ENTHD1: variants seen among roughly 807,000 people sequenced by gnomAD.
The protein encoded by ENTHD1 is ENTH domain containing 1, also known as ENTH domain-containing protein 1.
Under a neutral mutation model 39.1 loss-of-function variants are expected in ENTHD1, and 23 were observed. The ratio of observed to expected loss-of-function variants is 0.59; its 90% CI spans 0.42 to 0.83. The LOEUF is 0.83. ENTHD1 is among the 40% of genes least tolerant of loss of function. The pLI, the probability that ENTHD1 is intolerant of heterozygous loss-of-function variation, is 0.00. For missense variants in ENTHD1, 624 were observed against 705.4 expected (o/e 0.88, Z 1.31); for synonymous variants, 230 against 258.2 (o/e 0.89, Z 1.05).
intron 6 of ENTHD1, among the ~76,000 whole-genome samples, chr22:39,752,526 T>G (rs188961876): frequency 3.3e-4 from 50 of 152,330 alleles, no homozygotes; most frequent in Non-Finnish European, 5.9e-4. Flanking sequence ...AATCATACAT[T>G]TTAAAAGGAT....
At chr22:39,823,535 A>G (rs1193638700) in intron 4 of ENTHD1, among the ~76,000 whole-genome samples, 2 of 150,808 alleles carry the variant, frequency 1.3e-5, no homozygotes, top group African/African-American at 4.9e-5. Flanking sequence ...TTTTTTTTTT[A>G]GAAATGATGT....
chr22:39,829,367 T>G (rs1473156385), intron 4 of ENTHD1, among the ~76,000 whole-genome samples: 1 of 144,578 alleles, frequency 6.9e-6, no homozygotes, highest in East Asian at 2.0e-4. Context: ...AATCAGGATT[T>G]AAAGACAGAT....
At chr22:39,805,171 C>T (rs2146622734) in intron 5 of ENTHD1, among the ~76,000 whole-genome samples, 1 of 152,314 alleles carries the variant, frequency 6.6e-6, no homozygotes. Flanking sequence ...AAAAATTCCC[C>T]CTCATTCTTC....
At chr22:39,888,985 C>G (rs2066405804) in intron 1 of ENTHD1, among the ~76,000 whole-genome samples, 1 of 152,132 alleles carries the variant, frequency 6.6e-6, no homozygotes, top group South Asian at 2.1e-4. Flanking sequence ...AGAATCAGAT[C>G]TAAATATAGT....
chr22:39,857,552 T>C (rs1203973962), intron 3 of ENTHD1, among the ~76,000 whole-genome samples: 3 of 151,908 alleles, frequency 2.0e-5, no homozygotes, highest in African/African-American at 7.3e-5. Flanking sequence ...CTGTATCAAT[T>C]TAGGGATTCA....
chr22:39,759,383 C>A (rs531682451), intron 6 of ENTHD1, among the ~76,000 whole-genome samples: 91 of 152,210 alleles, frequency 6.0e-4, no homozygotes, highest in African/African-American at 2.2e-3. Flanking sequence ...TCAACTAAGG[C>A]ATCAAATCTA....
intron 5 of ENTHD1, among the ~76,000 whole-genome samples, chr22:39,793,595 A>G (rs1040938109): frequency 1.3e-5 from 2 of 152,004 alleles, no homozygotes; most frequent in Admixed American, 1.3e-4. Context: ...TGTTTCCCCT[A>G]TGTTTTCTTC....
intron 1 of ENTHD1, among the ~76,000 whole-genome samples, chr22:39,890,848 C>T (rs926306489): frequency 4.6e-5 from 7 of 152,130 alleles, no homozygotes; most frequent in African/African-American, 1.2e-4. Flanking sequence ...GTGATATGAA[C>T]GTAGAATATG....
chr22:39,798,774 G>T (rs1034853058), intron 5 of ENTHD1, among the ~76,000 whole-genome samples: 1 of 152,166 alleles, frequency 6.6e-6, no homozygotes, highest in African/African-American at 2.4e-5. Flanking sequence ...GGATGGGTGG[G>T]CAAGTCCTCC....
At position 39,871,424 on chromosome 22, in the gene ENTHD1, G is replaced by A. The variant is rs76144973; in HGVS notation, c.350-9417C>T. Among the ~76,000 whole-genome samples the A allele has an allele frequency of 9.2e-3, 1,397 of 152,222 alleles. 14 individuals carry two copies. Among genetic ancestry groups the A allele is most frequent in the Non-Finnish European group, 0.014 (962 of 68,002 alleles). ...AGAGTTAAGTCCATTTTACCAAAGA[G>A]AAAAGTAAGGTTTAGGGTGATGAAG... is the stretch of plus-strand genomic sequence containing the variant. On this transcript the variant is annotated intron_variant, in intron 2 of 6. Coordinates refer to ENST00000325157, the MANE Select transcript of ENTHD1 (RefSeq NM_152512.4).
chr22:39,852,007 C>A (rs2066044106), intron 3 of ENTHD1, among the ~76,000 whole-genome samples: 1 of 152,068 alleles, frequency 6.6e-6, no homozygotes, highest in Admixed American at 6.6e-5. Flanking sequence ...TTCTCTCTAG[C>A]TATCCATCTC....
intron 3 of ENTHD1, among the ~76,000 whole-genome samples, chr22:39,842,140 C>G (rs1601633345): frequency 1.3e-5 from 2 of 151,428 alleles, no homozygotes; most frequent in East Asian, 1.9e-4. Context: ...TTGAGGGTAA[C>G]CCAACCTTTC....
rs769026309 is a variant in ENTHD1 at position 39,743,786 on chromosome 22, G to A, written c.1717C>T (p.Leu573Phe). Reference sequence around the variant, plus strand: ...ATCAAGATGTTATTGATGACATTAAGTTCTTGGATCACTGTGCTCAGATCT... The same window carrying A: ...ATCAAGATGTTATTGATGACATTAAATTCTTGGATCACTGTGCTCAGATCT... ...HEDLSTVIQE[L>F]NVINNILMSM... Residue 573 changes from leucine to phenylalanine, a missense_variant, in exon 7 of 7, where the codon CTT becomes TTT. Coordinates refer to ENST00000325157, the MANE Select transcript of ENTHD1 (RefSeq NM_152512.4). The A allele has an allele frequency of 9.9e-6, 16 of 1,614,124 alleles. No individual in the cohort carries two copies. The highest frequency in any genetic ancestry group is 1.3e-5 in the Non-Finnish European group (15 of 1,180,006).
chr22:39,763,702 A>G (rs889986311), intron 6 of ENTHD1, among the ~76,000 whole-genome samples: 2 of 152,176 alleles, frequency 1.3e-5, no homozygotes, highest in Admixed American at 6.5e-5. Flanking sequence ...TATTTTTGGT[A>G]GTAGAATTAG....
chr22:39,790,699 TCAGACC>T (rs1350105740), intron 5 of ENTHD1, among the ~76,000 whole-genome samples: 4 of 152,202 alleles, frequency 2.6e-5, no homozygotes, highest in Non-Finnish European at 4.4e-5. Context: ...CAGGTTAGAA[TCAGACC>T]CTGACTACAC....
chr22:39,778,561 A>G (rs549358999), intron 5 of ENTHD1, among the ~76,000 whole-genome samples: 1 of 152,316 alleles, frequency 6.6e-6, no homozygotes, highest in East Asian at 1.9e-4. Flanking sequence ...GTGAAACATA[A>G]ATGTTCTATT....
intron 6 of ENTHD1, among the ~76,000 whole-genome samples, chr22:39,755,527 G>GGA (rs1179662483): frequency 2.0e-5 from 3 of 152,166 alleles, no homozygotes; most frequent in African/African-American, 7.2e-5. Flanking sequence ...GCTGCTTGAT[G>GGA]GAGAACTGGA....
chr22:39,844,936 C>T (rs1043366572), intron 3 of ENTHD1, among the ~76,000 whole-genome samples: 5 of 152,218 alleles, frequency 3.3e-5, no homozygotes, highest in East Asian at 1.9e-4. Context: ...ATCTCTCCCC[C>T]ACAGGAATAG....
In ENTHD1 at chr22:39,832,394, G is replaced by A. The variant is rs544817333; in HGVS notation, c.711+3446C>T. On this transcript the variant is annotated intron_variant, in intron 4 of 6. Coordinates refer to ENST00000325157, the MANE Select transcript of ENTHD1 (RefSeq NM_152512.4). ...CGAAAGGAGAATAAATGAACTGAAA[G>A]ATGATCTAATCACAATGCAGCATGG... Among the ~76,000 whole-genome samples the A allele has an allele frequency of 3.9e-5, 6 of 152,138 alleles. No homozygotes were observed. In the South Asian group the frequency reaches 1.2e-3, roughly 32 times the overall value.
Sources: gnomAD v4.1 joint callset for allele counts (sites outside exome capture counted in the v4.1 genomes callset) on GRCh38, gnomAD v4.1.1 for gene constraint, MANE v1.5 for transcripts, NCBI Gene and HGNC (gene_info 2026-07-23, HGNC 2026-07-21) for gene names.